The following CHMP1A variants were observed in gnomAD, a reference collection of about 807,000 sequenced individuals.
CHMP1A encodes charged multivesicular body protein 1A, also known as VPS46 homolog A.
CHMP1A carries 17 observed loss-of-function variants against 27.0 expected under a neutral mutation model. The ratio of observed to expected loss-of-function variants is 0.63; its 90% CI spans 0.43 to 0.95. The LOEUF (loss-of-function observed/expected upper bound fraction) is 0.95. CHMP1A is among the 40% of genes least tolerant of loss of function. The pLI, the probability that CHMP1A is intolerant of heterozygous loss-of-function variation, is 0.00. For synonymous variants in CHMP1A, 131 were observed against 107.5 expected, an observed-to-expected ratio of 1.22 and a Z score of -1.35; for missense variants, 275 against 264.0, an observed-to-expected ratio of 1.04 and a Z score of -0.29.
At chr16:89,646,884 G>GGCCCGCCCCCCCCCCCC in intron 5 of CHMP1A, 170 bp from the exon 6 acceptor site, 1 of 709,060 alleles carries the variant, frequency 1.4e-6, no homozygotes, top group Non-Finnish European at 2.4e-6. Flanking sequence ...AGCCTTTCCT[G>GGCCCGCCCCCCCCCCCC]CCCCCCCACC....
chr16:89,650,803 C>CAA lies in CHMP1A; in HGVS notation c.105+764_105+765dup, dbSNP rs34259855. Among the ~76,000 whole-genome samples the CAA allele has an allele frequency of 9.4e-4, 136 of 144,016 alleles. 1 individual carries two copies. The Middle Eastern group carries it at 0.011, about 11-fold the overall frequency. 94.5% of individuals were successfully genotyped at this position (144,016 alleles called of 152,430 possible). On this transcript the variant is annotated intron_variant, in intron 3 of 6. Coordinates refer to ENST00000397901, the MANE Select transcript of CHMP1A (RefSeq NM_002768.5). The stretch of plus-strand genomic sequence containing the variant: ...CCTGGGCAACAGCGAGACTCCATCT[C>CAA]AAAAAAAAAAAAGATAGGATCGTGG...
Position 89,645,904 on chromosome 16 carries a change from A to C in CHMP1A, c.*162T>G, listed in dbSNP as rs756688699. 6.9e-6 allele frequency: 11 copies of C among 1,600,680 alleles called. No homozygotes were observed. The highest frequency in any genetic ancestry group is 3.5e-5 in the Admixed American group (2 of 57,134). ...GACCCACCGCCCAACCTAAAAGAAC[A>C]GGAACAACCCTAAGGCCACGCAGGC... On this transcript the variant is annotated 3_prime_UTR_variant, in exon 7 of 7. Transcript: ENST00000397901.
intron 3 of CHMP1A, among the ~76,000 whole-genome samples, chr16:89,651,233 G>A (rs1050716728): frequency 2.6e-5 from 4 of 152,018 alleles, no homozygotes; most frequent in Non-Finnish European, 1.5e-5. Context: ...TAAAAAATTA[G>A]CTGGGTGCAA....
At position 89,649,473 on chromosome 16, in the gene CHMP1A, A is replaced by T. The variant is rs372234497; in HGVS notation, c.130T>A (p.Cys44Ser). The change falls in exon 4 of 7, where the codon TGT (cysteine) becomes AGT (serine). Residue 44 changes from cysteine (C) to serine (S), a missense_variant. Transcript: ENST00000397901. ...KKALLQKNVE[C>S]ARVYAENAIR... ...GCGTTCTCGGCATACACACGGGCAC[A>T]CTCTACATTTTTCTGCAGAAGGGCC... 372 of 1,613,422 alleles carry T rather than the reference A, an allele frequency of 2.3e-4. No individual in the cohort carries two copies. The highest frequency in any genetic ancestry group is 3.0e-4 in the Non-Finnish European group (354 of 1,179,866).
chr16:89,646,884 G>GGGCCCCCCCCC, intron 5 of CHMP1A, 170 bp from the exon 6 acceptor site: 3 of 709,058 alleles, frequency 4.2e-6, no homozygotes, highest in South Asian at 1.7e-5. Flanking sequence ...AGCCTTTCCT[G>GGGCCCCCCCCC]CCCCCCCACC....
At chr16:89,656,302 A>C (rs533198338) in intron 1 of CHMP1A, among the ~76,000 whole-genome samples, 2 of 152,094 alleles carry the variant, frequency 1.3e-5, no homozygotes, top group Admixed American at 1.3e-4. Flanking sequence ...ACGCCTGGCT[A>C]ATATTTTTGT....
In CHMP1A at chr16:89,647,191, G is replaced by T; in HGVS notation, c.381+12C>A. Reference sequence around the variant, plus strand: ...TCCCCAGGCCACAGCCCCAAGGGTAGGGGCCACATACCGATGTATGGACGT... The same window carrying T: ...TCCCCAGGCCACAGCCCCAAGGGTATGGGCCACATACCGATGTATGGACGT... On this transcript the variant is annotated intron_variant, in intron 5 of 6. Transcript: ENST00000397901. The T allele has an allele frequency of 6.2e-7, 1 of 1,607,718 alleles. No homozygotes were observed. The highest frequency in any genetic ancestry group is 2.2e-5 in the East Asian group (1 of 44,636).
At chr16:89,651,516 A>C in intron 3 of CHMP1A, 53 bp downstream of exon 3, 9 of 1,556,556 alleles carry the variant, frequency 5.8e-6, no homozygotes, top group Non-Finnish European at 6.2e-6. Flanking sequence ...AGGGCAGAAA[A>C]GGACAGAAGA....
chr16:89,651,879 T>A (rs1384510858), intron 2 of CHMP1A, among the ~76,000 whole-genome samples: 1 of 152,212 alleles, frequency 6.6e-6, no homozygotes, highest in Non-Finnish European at 1.5e-5. Context: ...TGCCTCAGGC[T>A]CTGTCTGGGT....
chr16:89,647,529 G>C (rs2059784926), intron 4 of CHMP1A, among the ~76,000 whole-genome samples, 198 bp from the exon 5 acceptor site: 1 of 147,208 alleles, frequency 6.8e-6, no homozygotes, highest in African/African-American at 2.6e-5. Context: ...TGGAGACCCA[G>C]TGCGGGGTCA....
rs748658256 is a variant in CHMP1A at position 89,647,262 on chromosome 16, C to A, written c.322G>T (p.Val108Phe). 1 of 1,611,110 alleles carries A rather than the reference C, an allele frequency of 6.2e-7. No homozygotes were observed. The highest frequency in any genetic ancestry group is 1.1e-5 in the South Asian group (1 of 90,328). The change falls in exon 5 of 7, where the codon GTC (valine) becomes TTC (phenylalanine). Residue 108 changes from valine to phenylalanine, a missense_variant. Physicochemically the swap from Val to Phe is conservative, Grantham distance 50 (BLOSUM62 -1). Coordinates refer to ENST00000397901, the MANE Select transcript of CHMP1A (RefSeq NM_002768.5). Reference sequence around the variant, plus strand: ...TCGAACCTGTCCATCACTGAGGAGACCTTCTGCAGGTCCATGGTGCTCAGG... The same window carrying A: ...TCGAACCTGTCCATCACTGAGGAGAACTTCTGCAGGTCCATGGTGCTCAGG... Reference protein sequence around the residue: ...KALSTMDLQKVSSVMDRFEQQ... With the variant: ...KALSTMDLQKFSSVMDRFEQQ...
intron 3 of CHMP1A, among the ~76,000 whole-genome samples, chr16:89,649,946 C>G (rs1393593879): frequency 6.6e-6 from 1 of 152,126 alleles, no homozygotes; most frequent in Non-Finnish European, 1.5e-5. Context: ...TGCAAACACC[C>G]AGGCCCCAGC....
At chr16:89,650,210 G>A (rs566454598) in intron 3 of CHMP1A, among the ~76,000 whole-genome samples, 12 of 152,080 alleles carry the variant, frequency 7.9e-5, no homozygotes, top group African/African-American at 1.7e-4. Flanking sequence ...ATGGAATCTC[G>A]CTCTGTGGCC....
At chr16:89,656,728 A>G (rs1316069513) in intron 1 of CHMP1A, among the ~76,000 whole-genome samples, 1 of 152,208 alleles carries the variant, frequency 6.6e-6, no homozygotes, top group Non-Finnish European at 1.5e-5. Context: ...TCTGATTTGC[A>G]GTGATGCTGT....
intron 2 of CHMP1A, among the ~76,000 whole-genome samples, chr16:89,652,936 C>G (rs2059836231): frequency 6.6e-6 from 1 of 152,052 alleles, no homozygotes; most frequent in African/African-American, 2.4e-5. Context: ...TCAGAAAGCT[C>G]TCCTTCAAAT....
At chr16:89,646,228 G>A (rs1284336814) in intron 6 of CHMP1A, 141 bp from the exon 7 acceptor site, 4 of 787,770 alleles carry the variant, frequency 5.1e-6, no homozygotes, top group Admixed American at 5.9e-5. Context: ...GACATGCCCT[G>A]TCCCACTCTT....
At position 89,648,421 on chromosome 16, in the gene CHMP1A, G is replaced by C. The variant is rs429486; in HGVS notation, c.252+930C>G. ...CGACGTGGGGACCCAGCGCGGGGTC[G>C]GTGGAGAAAAGGCCGCCGACGTGGG... is the stretch of plus-strand genomic sequence containing the variant. On this transcript the variant is annotated intron_variant, in intron 4 of 6. Coordinates refer to ENST00000397901, the MANE Select transcript of CHMP1A (RefSeq NM_002768.5). Among the ~76,000 whole-genome samples the C allele has an allele frequency of 6.0e-3, 674 of 112,190 alleles. 130 individuals are homozygous for C. The highest frequency in any genetic ancestry group is 0.013 in the Middle Eastern group (3 of 236). 73.6% of individuals were successfully genotyped at this position (112,190 alleles called of 152,430 possible).
chr16:89,645,016 C>T lies in CHMP1A; in HGVS notation c.*1050G>A, dbSNP rs2059762806. On this transcript the variant is annotated 3_prime_UTR_variant, in exon 7 of 7. Transcript: ENST00000397901. ...AGTCCTTCCCAAGAGCTGCTGGTGA[C>T]TCTCCAGGGCCACAATGGCAGGTTT... 6.6e-6 allele frequency: 1 copy of T among 152,494 alleles called. No individual in the cohort carries two copies. The highest frequency in any genetic ancestry group is 1.5e-5 in the Non-Finnish European group (1 of 68,104). 9.4% of individuals were successfully genotyped at this position (152,494 alleles called of 1,614,324 possible).
At chr16:89,651,714 C>A in intron 2 of CHMP1A, 68 bp from the exon 3 acceptor site, 8 of 1,487,296 alleles carry the variant, frequency 5.4e-6, no homozygotes, top group Non-Finnish European at 7.4e-6. Context: ...GCTCTCCACA[C>A]CCCCACACCT....
Sources: allele counts gnomAD v4.1 joint callset (sites outside exome capture counted in the v4.1 genomes callset), GRCh38; gene constraint gnomAD v4.1.1; transcripts MANE v1.5; gene names NCBI Gene and HGNC (gene_info 2026-07-23, HGNC 2026-07-21).